CIAO3: variants seen among roughly 807,000 people sequenced by gnomAD.
CIAO3 encodes cytosolic iron-sulfur assembly component 3.
A neutral mutation model predicts 51.5 loss-of-function variants in CIAO3; 45 were observed. The observed-to-expected ratio is 0.87, with a 90% CI of 0.69 to 1.12. CIAO3 has a LOEUF of 1.12. Ranked by LOEUF, CIAO3 falls within the 50% of genes most tolerant of loss-of-function variation. The pLI is 0.00. For synonymous variants in CIAO3, 314 were observed against 269.3 expected (o/e 1.17, Z -1.63); for missense variants, 668 against 632.5 (o/e 1.06, Z -0.60).
In CIAO3 at chr16:733,342, T is replaced by C. The variant is rs780933349; in HGVS notation, c.779A>G (p.Asn260Ser). 2.5e-6 allele frequency: 4 copies of C among 1,613,836 alleles called. No individual in the cohort carries two copies. The highest frequency in any genetic ancestry group is 1.7e-4 in the Middle Eastern group (1 of 6,060). The change falls in exon 7 of 11, where the codon AAC becomes AGC. Residue 260 changes from asparagine to serine, a missense_variant. By Grantham distance (46) the Asn-to-Ser change is conservative. Transcript: ENST00000251588. ...CACATCCCGTGTCTGGTGCTCCTGG[T>C]TGAAAAAGTCGGGTCTGGAGGCTTC... The part of the protein sequence containing the change: ...KLEASRPDFF[N>S]QEHQTRDVDC...
chr16:736,965 G>A, intron 3 of CIAO3: 1 of 596,062 alleles, frequency 1.7e-6, no homozygotes, highest in South Asian at 2.0e-5. Context: ...CGCCCAGTAG[G>A]GGTGTCATTT....
rs2041257495 is a variant in CIAO3, at chr16:730,197, G to A, written c.*220C>T. On this transcript the variant is annotated 3_prime_UTR_variant, in exon 11 of 11. Coordinates refer to ENST00000251588, the MANE Select transcript of CIAO3 (RefSeq NM_022493.3). ...ACCTCAGGGAACCTTCTGCTGCCTGGGCCACCCCACCCCACCTGGGCAGAG... is the reference window on the plus strand; with the variant it reads ...ACCTCAGGGAACCTTCTGCTGCCTGAGCCACCCCACCCCACCTGGGCAGAG... The A allele has an allele frequency of 3.4e-6, 2 of 595,844 alleles. No homozygotes were observed. The highest frequency in any genetic ancestry group is 6.0e-5 in the Admixed American group (2 of 33,394). 36.9% of individuals were successfully genotyped at this position (595,844 alleles called of 1,614,324 possible).
intron 1 of CIAO3, 112 bp downstream of exon 1, chr16:740,808 C>T (rs967198370): frequency 1.7e-6 from 2 of 1,172,198 alleles, no homozygotes; most frequent in African/African-American, 1.6e-5. Flanking sequence ...AGACCGGGCT[C>T]CCGGGATTCG....
chr16:729,862 G>A lies in CIAO3; in HGVS notation c.*555C>T, dbSNP rs1325638641. The A allele has an allele frequency of 1.4e-5, 7 of 511,600 alleles. No individual in the cohort carries two copies. The highest frequency in any genetic ancestry group is 8.2e-5 in the South Asian group (4 of 48,824). The allele number at this position is 511,600 out of a possible 1,614,324, so 31.7% of individuals were successfully genotyped here. A position where few individuals can be genotyped will look rare whatever the true frequency, so the allele number is the denominator to read the frequency against. On this transcript the variant is annotated 3_prime_UTR_variant, in exon 11 of 11. Transcript: ENST00000251588. ...TGCAGCCCGCGATGGCTGCTGCTTC[G>A]TACTTGGCTTGCCCCGGACCACAGC... is the stretch of plus-strand genomic sequence containing the variant.
chr16:734,525 G>A (rs748924723), intron 5 of CIAO3, 178 bp from the exon 6 acceptor site: 12 of 944,396 alleles, frequency 1.3e-5, no homozygotes, highest in Admixed American at 5.8e-5. Flanking sequence ...AGGCGACACC[G>A]CCTAGGGACC....
At position 737,610 on chromosome 16, in the gene CIAO3, C is replaced by G. The variant is rs1034415051; in HGVS notation, c.163-281G>C. The G allele has an allele frequency of 1.6e-5, 22 of 1,408,388 alleles. No individual in the cohort carries two copies. Among genetic ancestry groups the G allele is most frequent in the African/African-American group, 4.3e-5 (3 of 69,952 alleles). The allele number at this position is 1,408,388 out of a possible 1,614,324, so 87.2% of individuals were successfully genotyped here. A position where few individuals can be genotyped will look rare whatever the true frequency, so the allele number is the denominator to read the frequency against. On this transcript the variant is annotated intron_variant, in intron 2 of 10. Transcript: ENST00000251588. The surrounding 1 kb of genome is among the most constrained non-coding windows in gnomAD (Gnocchi z 5.3). ...GTATCTCAGCAAAGCAGCAGCCACC[C>G]CACTCACCCATGGGGCCCTGGACGG...
chr16:734,221 G>T lies in CIAO3; in HGVS notation c.693+8C>A. The T allele has an allele frequency of 1.2e-6, 2 of 1,609,040 alleles. No homozygotes were observed. The stretch of plus-strand genomic sequence containing the variant: ...AGCCTGAGTCTGGGGCTGGCCCAAC[G>T]CCGTTACCTGCTGCTGGGCGAAGAA... On this transcript the variant is annotated splice_region_variant and intron_variant, in intron 6 of 10. Transcript: ENST00000251588.
chr16:731,927 G>T, intron 8 of CIAO3: 1 of 607,044 alleles, frequency 1.6e-6, no homozygotes, highest in Non-Finnish European at 2.7e-6. Context: ...GGAGTGCAGT[G>T]GCGTGATCTT....
chr16:733,486 G>A (rs768526659), intron 6 of CIAO3, 59 bp from the exon 7 acceptor site: 338 of 1,606,354 alleles, frequency 2.1e-4, no homozygotes, highest in Non-Finnish European at 2.7e-4. Flanking sequence ...GCTGAGACGG[G>A]ACCTGGAACT....
chr16:733,612 A>G lies in CIAO3; in HGVS notation c.694-185T>C, dbSNP rs867318160. ...CTGGACAGGACGGGCCCTGGCTGTG[A>G]CAGAAAATGACACTGACCCATTCCC... On this transcript the variant is annotated intron_variant, in intron 6 of 10. Coordinates refer to ENST00000251588, the MANE Select transcript of CIAO3 (RefSeq NM_022493.3). The G allele has an allele frequency of 3.2e-5, 26 of 800,820 alleles. No homozygotes were observed. In the African/African-American group the frequency reaches 4.5e-4, roughly 14 times the overall value. 49.6% of individuals were successfully genotyped at this position (800,820 alleles called of 1,614,324 possible).
intron 7 of CIAO3, chr16:732,970 G>A: frequency 2.8e-6 from 1 of 359,884 alleles, no homozygotes. Flanking sequence ...TTGGGAGACT[G>A]TGGGGCTGCT....
Position 733,418 on chromosome 16 carries a change from G to A in CIAO3, c.703C>T (p.Pro235Ser). ...DFFAQQQHLT[P>S]DKIYHVTVMP... ...ACTGTGACGTGGTAGATCTTGTCAGGGGTCAAGTGCTACAAGGAGAAACAA... is the reference window on the plus strand; with the variant it reads ...ACTGTGACGTGGTAGATCTTGTCAGAGGTCAAGTGCTACAAGGAGAAACAA... The change falls in exon 7 of 11, where the codon CCT becomes TCT. Residue 235 changes from proline to serine, a missense_variant. By Grantham distance (74) the Pro-to-Ser change is moderately conservative (BLOSUM62 -1). Coordinates refer to ENST00000251588, the MANE Select transcript of CIAO3 (RefSeq NM_022493.3). 1 of 1,613,750 alleles carries A rather than the reference G, an allele frequency of 6.2e-7. No homozygotes were observed. Among genetic ancestry groups the A allele is most frequent in the Non-Finnish European group, 8.5e-7 (1 of 1,179,962 alleles).
intron 7 of CIAO3, chr16:733,043 C>G (rs1336144218): frequency 2.0e-6 from 1 of 491,742 alleles, no homozygotes; most frequent in Non-Finnish European, 3.7e-6. Context: ...CTCTGCCCAC[C>G]TCCAAAGACT....
At chr16:736,134 G>T in intron 4 of CIAO3, 132 bp downstream of exon 4, 3 of 1,177,190 alleles carry the variant, frequency 2.5e-6, no homozygotes, top group Non-Finnish European at 3.6e-6. Context: ...GTCACAGAGG[G>T]AATAAAGTTT....
rs1388422378 is a variant in CIAO3, at chr16:738,424, C to G, written c.163-1095G>C. 8.4e-6 allele frequency: 6 copies of G among 710,206 alleles called. No homozygotes were observed. The African/African-American group carries it at 1.2e-4, about 14-fold the overall frequency. The allele number at this position is 710,206 out of a possible 1,614,324, so 44.0% of individuals were successfully genotyped here. A position where few individuals can be genotyped will look rare whatever the true frequency, so the allele number is the denominator to read the frequency against. ...AGTGCAGTGGTGCGATCTCGGCTCA[C>G]TGCAAACTCCGCCTCCCAGGCTCAC... On this transcript the variant is annotated intron_variant, in intron 2 of 10. Transcript: ENST00000251588.
At position 729,960 on chromosome 16, in the gene CIAO3, C is replaced by A; in HGVS notation, c.*457G>T. ...CCAGGGTCCACACGCAGGGTTGTGG[C>A]GGGACCACCCCTGCAGGTCCAGCTC... On this transcript the variant is annotated 3_prime_UTR_variant, in exon 11 of 11. Transcript: ENST00000251588. The A allele has an allele frequency of 2.9e-6, 1 of 342,188 alleles. No individual in the cohort carries two copies. The highest frequency in any genetic ancestry group is 5.5e-6 in the Non-Finnish European group (1 of 181,350). The allele number at this position is 342,188 out of a possible 1,614,324, so 21.2% of individuals were successfully genotyped here.
At chr16:738,080 G>C (rs985770884) in intron 2 of CIAO3, 1 of 1,039,710 alleles carries the variant, frequency 9.6e-7, no homozygotes, top group African/African-American at 1.7e-5. Context: ...ATCTGAGCTC[G>C]CCTTGTATTC....
intron 9 of CIAO3, 25 bp from the exon 10 acceptor site, chr16:731,025 C>T: frequency 6.2e-7 from 1 of 1,610,772 alleles, no homozygotes; most frequent in Non-Finnish European, 8.5e-7. Context: ...CGGGGTTTGT[C>T]TACATGGCAC....
At position 730,123 on chromosome 16, in the gene CIAO3, G is replaced by A; in HGVS notation, c.*294C>T. The A allele has an allele frequency of 3.8e-6, 2 of 522,514 alleles. No individual in the cohort carries two copies. Among genetic ancestry groups the A allele is most frequent in the Non-Finnish European group, 3.4e-6 (1 of 291,254 alleles). 32.4% of individuals were successfully genotyped at this position (522,514 alleles called of 1,614,324 possible). ...TTGGGTGCCCGACCAGCAGCAGCAA[G>A]GGCAGCACCTGTGGGCCTCGGCCCA... On this transcript the variant is annotated 3_prime_UTR_variant, in exon 11 of 11. Coordinates refer to ENST00000251588, the MANE Select transcript of CIAO3 (RefSeq NM_022493.3).
Sources: allele counts gnomAD v4.1 joint callset, GRCh38; gene constraint gnomAD v4.1.1; non-coding constraint Gnocchi (gnomAD v3.1); transcripts MANE v1.5; gene names NCBI Gene and HGNC (gene_info 2026-07-23, HGNC 2026-07-21).